Variants in RFC3 observed in about 807,000 individuals in gnomAD.
The protein encoded by RFC3 is replication factor C subunit 3.
In RFC3, 41 loss-of-function variants were observed where a neutral mutation model predicts 45.1. The observed-to-expected ratio is 0.91, with a 90% CI of 0.71 to 1.18. The LOEUF (loss-of-function observed/expected upper bound fraction) is 1.18, where lower values mean the gene tolerates loss of function less well. Ranked by LOEUF, RFC3 falls within the 50% of genes most tolerant of loss-of-function variation. The pLI, the probability that RFC3 is intolerant of heterozygous loss-of-function variation, is 0.00. For synonymous variants in RFC3, 149 were observed against 144.0 expected, an observed-to-expected ratio of 1.03 and a Z score of -0.25; for missense variants, 423 against 428.1, an observed-to-expected ratio of 0.99 and a Z score of 0.10.
chr13:33,844,020 C>T (rs2082219256), intron 8 of RFC3, among the ~76,000 whole-genome samples: 1 of 152,194 alleles, frequency 6.6e-6, no homozygotes, highest in Non-Finnish European at 1.5e-5. Flanking sequence ...TGGGTTTGTT[C>T]TATGTTGATT....
In RFC3 at chr13:33,924,731, A is replaced by G. The variant is rs200702721; in HGVS notation, c.880-41356A>G. Among the ~76,000 whole-genome samples, 687 of 92,654 alleles carry G rather than the reference A, an allele frequency of 7.4e-3. 7 individuals carry two copies. The highest frequency in any genetic ancestry group is 0.041 in the African/African-American group (662 of 16,134). 60.8% of individuals were successfully genotyped at this position (92,654 alleles called of 152,430 possible). Reference sequence around the variant, plus strand: ...TGTGTGTGTGTGTGTGTGTGTGTATATATATATATATATCAGGGCCTGGTG... The same window carrying G: ...TGTGTGTGTGTGTGTGTGTGTGTATGTATATATATATATCAGGGCCTGGTG... On this transcript the variant is annotated intron_variant, in intron 8 of 8. Coordinates refer to the RFC3 transcript ENST00000434425.
chr13:33,925,604 A>G (rs1218459686), intron 8 of RFC3, among the ~76,000 whole-genome samples: 1 of 150,678 alleles, frequency 6.6e-6, no homozygotes, highest in Non-Finnish European at 1.5e-5. Flanking sequence ...ATATACATAC[A>G]TATATAGTGT....
At chr13:33,965,347 T>C (rs2083081045) in intron 8 of RFC3, among the ~76,000 whole-genome samples, 1 of 152,144 alleles carries the variant, frequency 6.6e-6, no homozygotes, top group Non-Finnish European at 1.5e-5. Context: ...TTGCACCTTT[T>C]TATGTTTAGA....
intron 8 of RFC3, among the ~76,000 whole-genome samples, chr13:33,912,749 T>C (rs956001694): frequency 1.3e-5 from 2 of 152,004 alleles, no homozygotes; most frequent in Non-Finnish European, 2.9e-5. Flanking sequence ...AGATCAGACA[T>C]TGGATTTTAG....
chr13:33,854,354 A>G (rs980613449), intron 8 of RFC3, among the ~76,000 whole-genome samples: 1 of 152,218 alleles, frequency 6.6e-6, no homozygotes, highest in Non-Finnish European at 1.5e-5. Context: ...TCTTACATAG[A>G]CTAGAGAAGA....
At chr13:33,954,807 C>T (rs1355113145) in intron 8 of RFC3, among the ~76,000 whole-genome samples, 1 of 152,256 alleles carries the variant, frequency 6.6e-6, no homozygotes, top group South Asian at 2.1e-4. Flanking sequence ...CTAATTACTT[C>T]CCAGAGACCT....
intron 8 of RFC3, among the ~76,000 whole-genome samples, chr13:33,959,623 T>G (rs1423758400): frequency 6.6e-6 from 1 of 152,166 alleles, no homozygotes; most frequent in Non-Finnish European, 1.5e-5. Context: ...TTGTACTTAT[T>G]TATTGTTAGC....
chr13:33,959,869 G>A (rs2083045334), intron 8 of RFC3, among the ~76,000 whole-genome samples: 1 of 152,182 alleles, frequency 6.6e-6, no homozygotes, highest in Non-Finnish European at 1.5e-5. Flanking sequence ...TCATGGTTCT[G>A]CAGGCTGTAC....
chr13:33,958,518 C>T lies in RFC3; in HGVS notation c.880-7569C>T, dbSNP rs1012322867. 2.6e-4 allele frequency among the ~76,000 whole-genome samples: 40 copies of T among 152,154 alleles called. 1 individual carries two copies. The highest frequency in any genetic ancestry group is 9.2e-4 in the African/African-American group (38 of 41,428). Reference sequence around the variant, plus strand: ...CCAGATCAAACTGGATGAGTGTTACCCCTGAGAGGTGGAGTTTTTCTGAAC... The same window carrying T: ...CCAGATCAAACTGGATGAGTGTTACTCCTGAGAGGTGGAGTTTTTCTGAAC... On this transcript the variant is annotated intron_variant, in intron 8 of 8. Transcript: ENST00000434425.
chr13:33,827,178 C>A (rs1467905457), intron 4 of RFC3, among the ~76,000 whole-genome samples: 5 of 152,076 alleles, frequency 3.3e-5, no homozygotes, highest in African/African-American at 1.2e-4. Context: ...AATCCCAGTG[C>A]TTTGGGAGGC....
chr13:33,876,538 A>G (rs2082448118), intron 8 of RFC3, among the ~76,000 whole-genome samples: 3 of 152,196 alleles, frequency 2.0e-5, no homozygotes, highest in Admixed American at 2.0e-4. Flanking sequence ...TAGTATATAA[A>G]TTCCCTTTTA....
At chr13:33,863,713 G>T (rs930074531) in intron 8 of RFC3, among the ~76,000 whole-genome samples, 1 of 152,104 alleles carries the variant, frequency 6.6e-6, no homozygotes, top group Admixed American at 6.5e-5. Context: ...CCATGAAACC[G>T]CTAAGTCCTT....
the RFC3 span, among the ~76,000 whole-genome samples, chr13:33,976,129 G>C: frequency 6.6e-6 from 1 of 152,072 alleles, no homozygotes; most frequent in African/African-American, 2.4e-5. Flanking sequence ...TAACTGAAAG[G>C]GTTCCCAGTG....
chr13:33,882,794 C>T (rs903869674), intron 8 of RFC3, among the ~76,000 whole-genome samples: 2 of 152,208 alleles, frequency 1.3e-5, no homozygotes, highest in African/African-American at 4.8e-5. Context: ...CCAATCCTGA[C>T]CTTGAATGAC....
intron 8 of RFC3, among the ~76,000 whole-genome samples, chr13:33,916,109 A>G (rs923347237): frequency 6.6e-6 from 1 of 152,134 alleles, no homozygotes; most frequent in Non-Finnish European, 1.5e-5. Context: ...GGGAATAACT[A>G]TATTTCTAAA....
At chr13:33,852,698 T>C (rs1427391523) in intron 8 of RFC3, among the ~76,000 whole-genome samples, 3 of 152,198 alleles carry the variant, frequency 2.0e-5, no homozygotes, top group South Asian at 2.1e-4. Flanking sequence ...TAAAGACTTA[T>C]AATAGTTTAT....
At chr13:33,890,367 T>TGTA (rs1462651914) in intron 8 of RFC3, among the ~76,000 whole-genome samples, 2 of 152,184 alleles carry the variant, frequency 1.3e-5, no homozygotes, top group African/African-American at 2.4e-5. Context: ...GTATGTGCCA[T>TGTA]TACTACCCTA....
intron 8 of RFC3, chr13:33,847,626 C>T (rs2082247716): frequency 6.6e-6 from 1 of 151,732 alleles, no homozygotes; most frequent in Non-Finnish European, 1.5e-5. Flanking sequence ...CCTCATCTTG[C>T]ACCCTCTCTT....
intron 8 of RFC3, among the ~76,000 whole-genome samples, chr13:33,960,019 C>G (rs886789068): frequency 2.0e-5 from 3 of 152,082 alleles, no homozygotes; most frequent in African/African-American, 7.2e-5. Flanking sequence ...GTGCCACACA[C>G]TTTTCAATGA....
Sources: gnomAD v4.1 joint callset for allele counts (sites outside exome capture counted in the v4.1 genomes callset) on GRCh38, gnomAD v4.1.1 for gene constraint, MANE v1.5 for transcripts, NCBI Gene and HGNC (gene_info 2026-07-23, HGNC 2026-07-21) for gene names.